KCNQ3: variants seen among roughly 807,000 people sequenced by gnomAD.
The protein encoded by KCNQ3 is potassium voltage-gated channel subfamily KQT member 3.
Under a neutral mutation model 92.5 loss-of-function variants are expected in KCNQ3, and 30 were observed. The ratio of observed to expected loss-of-function variants is 0.32; its 90% CI spans 0.24 to 0.44. The LOEUF (loss-of-function observed/expected upper bound fraction) is 0.44. KCNQ3 is among the 20% of genes least tolerant of loss of function. The probability of loss-of-function intolerance (pLI) is 1.00; values close to 1 mark genes in which losing one functional copy is unlikely to be tolerated. For synonymous variants in KCNQ3, 450 were observed against 468.8 expected, an observed-to-expected ratio of 0.96 and a Z score of 0.52; for missense variants, 913 against 1,140.3, an observed-to-expected ratio of 0.80 and a Z score of 2.87.
At chr8:132,322,384 G>A (rs1297157244) in intron 1 of KCNQ3, among the ~76,000 whole-genome samples, 1 of 152,138 alleles carries the variant, frequency 6.6e-6, no homozygotes, top group African/African-American at 2.4e-5. Flanking sequence ...AGGAACAGCA[G>A]GTGAGGCAGA....
At chr8:132,134,266 T>C (rs1021589068) in intron 13 of KCNQ3, 24 bp downstream of exon 13, 1 of 1,577,862 alleles carries the variant, frequency 6.3e-7, no homozygotes, top group Non-Finnish European at 8.7e-7. Flanking sequence ...CCCTGGCCCA[T>C]CAGTCCATGT....
chr8:132,199,020 T>A (rs1050363648), intron 1 of KCNQ3, among the ~76,000 whole-genome samples: 17 of 152,086 alleles, frequency 1.1e-4, no homozygotes, highest in Non-Finnish European at 2.2e-4. Flanking sequence ...CAAGTCAGTC[T>A]CTGCCTCACC....
rs538876282 is a variant in KCNQ3 at position 132,123,810 on chromosome 8, C to G, written c.*5452G>C. 1 of 152,170 alleles carries G rather than the reference C, an allele frequency of 6.6e-6. No individual in the cohort carries two copies. The highest frequency in any genetic ancestry group is 1.5e-5 in the Non-Finnish European group (1 of 68,036). The allele number at this position is 152,170 out of a possible 1,614,324, so 9.4% of individuals were successfully genotyped here. On this transcript the variant is annotated 3_prime_UTR_variant, in exon 15 of 15. Coordinates refer to ENST00000388996, the MANE Select transcript of KCNQ3 (RefSeq NM_004519.4). ...TCCATGAAATTATGTCTCTTTGCAT[C>G]TATGATAACAAATCAAAATATGAAT... is the stretch of plus-strand genomic sequence containing the variant.
chr8:132,170,822 G>A (rs1826312445), intron 7 of KCNQ3, among the ~76,000 whole-genome samples: 1 of 150,674 alleles, frequency 6.6e-6, no homozygotes, highest in Admixed American at 6.6e-5. Flanking sequence ...GACCAGCCTG[G>A]GCAACATAAT....
intron 1 of KCNQ3, among the ~76,000 whole-genome samples, chr8:132,336,445 T>C (rs538693372): frequency 6.6e-6 from 1 of 152,294 alleles, no homozygotes; most frequent in African/African-American, 2.4e-5. Flanking sequence ...AGTACCTGCA[T>C]GATGGGGGAG....
chr8:132,417,249 A>T lies in KCNQ3; in HGVS notation c.386+62898T>A, dbSNP rs1052075367. ...GGATTGGCAATAACAGAGAACTGTT[A>T]CCATCTCTCCAACTAAGGAGGCCAG... On this transcript the variant is annotated intron_variant, in intron 1 of 14. Transcript: ENST00000388996. 1.2e-4 allele frequency among the ~76,000 whole-genome samples: 18 copies of T among 152,226 alleles called. No individual in the cohort carries two copies. The South Asian group carries it at 3.3e-3, about 28-fold the overall frequency.
chr8:132,284,405 T>A (rs1331423005), intron 1 of KCNQ3, among the ~76,000 whole-genome samples: 1 of 152,208 alleles, frequency 6.6e-6, no homozygotes, highest in Non-Finnish European at 1.5e-5. Context: ...CCACTATGTG[T>A]CAGTATCTGT....
At chr8:132,356,212 C>T (rs1026674485) in intron 1 of KCNQ3, among the ~76,000 whole-genome samples, 4 of 152,278 alleles carry the variant, frequency 2.6e-5, no homozygotes, top group South Asian at 4.1e-4. Context: ...CACCACTGCT[C>T]GCAGGCTGCT....
At chr8:132,218,004 C>T (rs1563809433) in intron 1 of KCNQ3, among the ~76,000 whole-genome samples, 1 of 152,136 alleles carries the variant, frequency 6.6e-6, no homozygotes, top group Non-Finnish European at 1.5e-5. Context: ...ATTTGCTTAG[C>T]CAAGTGTGCG....
intron 1 of KCNQ3, among the ~76,000 whole-genome samples, chr8:132,233,698 A>C (rs868638247): frequency 2.6e-5 from 4 of 152,246 alleles, no homozygotes. Flanking sequence ...TTCACTGCTT[A>C]AGACAGACAT....
At chr8:132,453,231 C>T (rs1821862197) in intron 1 of KCNQ3, among the ~76,000 whole-genome samples, 1 of 152,190 alleles carries the variant, frequency 6.6e-6, no homozygotes, top group South Asian at 2.1e-4. Context: ...CATCTGGGGC[C>T]TGTTGGCCTC....
intron 1 of KCNQ3, among the ~76,000 whole-genome samples, chr8:132,294,815 T>C (rs983468476): frequency 6.6e-6 from 1 of 152,214 alleles, no homozygotes; most frequent in Non-Finnish European, 1.5e-5. Context: ...TCCTCTCTAC[T>C]ACTTAAAGTT....
intron 1 of KCNQ3, among the ~76,000 whole-genome samples, chr8:132,362,860 G>A (rs971294286): frequency 1.3e-5 from 2 of 152,202 alleles, no homozygotes; most frequent in Admixed American, 1.3e-4. Context: ...TTGTGACCAT[G>A]TGAATAAGTC....
At chr8:132,283,160 G>C (rs1170795306) in intron 1 of KCNQ3, among the ~76,000 whole-genome samples, 3 of 149,934 alleles carry the variant, frequency 2.0e-5, no homozygotes, top group African/African-American at 7.6e-5. Flanking sequence ...TTGAGTATCT[G>C]CTCCATTGCT....
chr8:132,417,486 G>GGCA (rs1554653300), intron 1 of KCNQ3, among the ~76,000 whole-genome samples: 1 of 152,238 alleles, frequency 6.6e-6, no homozygotes, highest in Non-Finnish European at 1.5e-5. Context: ...CATGGGTGGA[G>GGCA]AATAGATTTG....
At chr8:132,371,607 T>C (rs1047541574) in intron 1 of KCNQ3, among the ~76,000 whole-genome samples, 5 of 152,304 alleles carry the variant, frequency 3.3e-5, no homozygotes, top group African/African-American at 9.6e-5. Context: ...TCTGAGATCT[T>C]GCTCTGTTAT....
At chr8:132,305,688 T>G (rs1487918574) in intron 1 of KCNQ3, among the ~76,000 whole-genome samples, 1 of 152,016 alleles carries the variant, frequency 6.6e-6, no homozygotes, top group African/African-American at 2.4e-5. Flanking sequence ...CAACAGTAGC[T>G]TCTGCTTGGG....
At chr8:132,136,840 A>G (rs1825113216) in intron 12 of KCNQ3, among the ~76,000 whole-genome samples, 1 of 151,506 alleles carries the variant, frequency 6.6e-6, no homozygotes, top group East Asian at 1.9e-4. Flanking sequence ...CTTTTTCTAA[A>G]TATTATTTTA....
intron 4 of KCNQ3, among the ~76,000 whole-genome samples, chr8:132,176,510 C>A (rs1272112239): frequency 1.3e-5 from 2 of 152,210 alleles, no homozygotes; most frequent in Non-Finnish European, 2.9e-5. Context: ...GTCATTCTTG[C>A]TGAGTCATCT....
Sources: allele counts gnomAD v4.1 joint callset (sites outside exome capture counted in the v4.1 genomes callset), GRCh38; gene constraint gnomAD v4.1.1; transcripts MANE v1.5; gene names NCBI Gene and HGNC (gene_info 2026-07-23, HGNC 2026-07-21).